ST6GAL2: variants seen among roughly 807,000 people sequenced by gnomAD.
ST6GAL2 encodes beta-galactoside alpha-2,6-sialyltransferase 2.
ST6GAL2 carries 24 observed loss-of-function variants against 37.5 expected under a neutral mutation model. The observed-to-expected ratio is 0.64, with a 90% CI of 0.46 to 0.90. ST6GAL2 has a LOEUF of 0.90. Ranked by LOEUF, ST6GAL2 falls within the 40% of genes least tolerant of loss-of-function variation. ST6GAL2 has a pLI of 0.00. For synonymous variants in ST6GAL2, 306 were observed against 295.1 expected, an observed-to-expected ratio of 1.04 and a Z score of -0.38; for missense variants, 715 against 712.7, an observed-to-expected ratio of 1.00 and a Z score of -0.04.
chr2:106,842,692 AC>A (rs1676941189), intron 2 of ST6GAL2, among the ~76,000 whole-genome samples: 1 of 152,142 alleles, frequency 6.6e-6, no homozygotes, highest in Non-Finnish European at 1.5e-5. Flanking sequence ...TCTATGGGAT[AC>A]GAAGTCTGAA....
intron 1 of ST6GAL2, among the ~76,000 whole-genome samples, chr2:106,877,461 C>T (rs1220175217): frequency 6.6e-6 from 1 of 152,270 alleles, no homozygotes; most frequent in Admixed American, 6.5e-5. Flanking sequence ...CGTCTGAACA[C>T]ATCAGCACCT....
chr2:106,837,681 C>T (rs1472543535), intron 2 of ST6GAL2, among the ~76,000 whole-genome samples: 1 of 152,186 alleles, frequency 6.6e-6, no homozygotes, highest in Non-Finnish European at 1.5e-5. Flanking sequence ...ACGCTACCCA[C>T]CCCTCAGACA....
At chr2:106,853,359 CA>C (rs1441035930) in intron 1 of ST6GAL2, among the ~76,000 whole-genome samples, 1 of 152,226 alleles carries the variant, frequency 6.6e-6, no homozygotes, top group Non-Finnish European at 1.5e-5. Flanking sequence ...AAAGAGACTA[CA>C]GGTGTTAGGC....
chr2:106,850,504 CA>C, intron 1 of ST6GAL2, among the ~76,000 whole-genome samples: 1 of 152,248 alleles, frequency 6.6e-6, no homozygotes, highest in Non-Finnish European at 1.5e-5. Flanking sequence ...TTTAATAATC[CA>C]AAAGCCTCCA....
chr2:106,812,401 A>G (rs1675643842), intron 5 of ST6GAL2, among the ~76,000 whole-genome samples: 1 of 152,240 alleles, frequency 6.6e-6, no homozygotes, highest in South Asian at 2.1e-4. Flanking sequence ...TGAGAGACTC[A>G]GTACTCAGTG....
At chr2:106,874,619 T>C (rs1678424140) in intron 1 of ST6GAL2, among the ~76,000 whole-genome samples, 2 of 152,080 alleles carry the variant, frequency 1.3e-5, no homozygotes, top group Non-Finnish European at 2.9e-5. Flanking sequence ...GTAAAATAAA[T>C]TCTAATATAA....
At position 106,857,633 on chromosome 2, in the gene ST6GAL2, A is replaced by G. The variant is rs755739857; in HGVS notation, c.-57-13599T>C. On this transcript the variant is annotated intron_variant, in intron 1 of 5. Coordinates refer to ENST00000409382, the MANE Select transcript of ST6GAL2 (RefSeq NM_001142351.2). ...ACAAAACAAAACAAAACCAAAAAAAACCACACACATATACACACATGTTCT... is the reference window on the plus strand; with the variant it reads ...ACAAAACAAAACAAAACCAAAAAAAGCCACACACATATACACACATGTTCT... Among the ~76,000 whole-genome samples, 237 of 152,158 alleles carry G rather than the reference A, an allele frequency of 1.6e-3. 5 individuals carry two copies. The highest frequency in any genetic ancestry group is 3.5e-4 in the Non-Finnish European group (24 of 68,030).
rs1338270769 is a variant in ST6GAL2 at position 106,879,681 on chromosome 2, TTAGACCAATTATATATTATTATA to T, written c.-58+6389_-58+6411del. 1.2e-3 allele frequency among the ~76,000 whole-genome samples: 180 copies of T among 148,656 alleles called. 2 individuals are homozygous for T. The highest frequency in any genetic ancestry group is 2.8e-3 in the African/African-American group (113 of 40,870). ...TAATGTATATAATAGAAATTATATA[TTAGACCAATTATATATTATTATA>T]TAGACCAATTATATATTATTATATA... On this transcript the variant is annotated intron_variant, in intron 1 of 5. Coordinates refer to ENST00000409382, the MANE Select transcript of ST6GAL2 (RefSeq NM_001142351.2).
Position 106,843,038 on chromosome 2 carries a change from T to G in ST6GAL2, c.940A>C (p.Ile314Leu). Residue 314 changes from isoleucine (I) to leucine (L), a missense_variant, in exon 2 of 6, where the codon ATA becomes CTA. Ile to Leu is a conservative substitution (Grantham distance 5, BLOSUM62 2). Transcript: ENST00000409382. The part of the protein sequence containing the change: ...AILNSSLGEE[I>L]DSHDAVLRFN... ...TGGTCCCCCCGCTGAGACCTACCTA[T>G]TTCCTCGCCCAAGGAAGAGTTGAGG... is the stretch of plus-strand genomic sequence containing the variant. The G allele has an allele frequency of 3.5e-6, 5 of 1,420,008 alleles. No individual in the cohort carries two copies. The highest frequency in any genetic ancestry group is 4.6e-6 in the Non-Finnish European group (5 of 1,084,324). 88.0% of individuals were successfully genotyped at this position (1,420,008 alleles called of 1,614,324 possible).
intron 1 of ST6GAL2, among the ~76,000 whole-genome samples, chr2:106,877,363 A>AAAAT (rs1678548438): frequency 6.6e-6 from 1 of 152,254 alleles, no homozygotes; most frequent in African/African-American, 2.4e-5. Context: ...AATCTGGATT[A>AAAAT]AAATATTACA....
Position 106,827,333 on chromosome 2 carries a change from A to G in ST6GAL2, c.1318+2733T>C, listed in dbSNP as rs147613890. Among the ~76,000 whole-genome samples, 53 of 152,292 alleles carry G rather than the reference A, an allele frequency of 3.5e-4. 2 individuals are homozygous for G. In the East Asian group the frequency reaches 9.6e-3, roughly 28 times the overall value. Reference sequence around the variant, plus strand: ...GGCTCTCAGCCTATTTATGATCAAGATCAAAGAAGAGGGGCAAAGACTACT... The same window carrying G: ...GGCTCTCAGCCTATTTATGATCAAGGTCAAAGAAGAGGGGCAAAGACTACT... On this transcript the variant is annotated intron_variant, in intron 5 of 5. Transcript: ENST00000409382.
At chr2:106,839,252 A>C (rs1368976541) in intron 2 of ST6GAL2, among the ~76,000 whole-genome samples, 1 of 152,030 alleles carries the variant, frequency 6.6e-6, no homozygotes, top group East Asian at 1.9e-4. Flanking sequence ...CCACCTGCAC[A>C]ACATGCTGTT....
chr2:106,812,966 A>T, intron 5 of ST6GAL2: 3 of 1,032,366 alleles, frequency 2.9e-6, no homozygotes, highest in Non-Finnish European at 3.7e-6. Context: ...TGAAAGTTTT[A>T]CTGCTTTCAA....
Position 106,802,534 on chromosome 2 carries a change from T to C in ST6GAL2, c.*4144A>G, listed in dbSNP as rs1374085339. 1 of 152,204 alleles carries C rather than the reference T, an allele frequency of 6.6e-6. No homozygotes were observed. Among genetic ancestry groups the C allele is most frequent in the Admixed American group, 6.5e-5 (1 of 15,282 alleles). 9.4% of individuals were successfully genotyped at this position (152,204 alleles called of 1,614,324 possible). ...GAACGGACAGAGAAATACCTTTCAT[T>C]TATCAAGTGTGTAAATAATGCCCAT... On this transcript the variant is annotated 3_prime_UTR_variant, in exon 6 of 6. Coordinates refer to ENST00000409382, the MANE Select transcript of ST6GAL2 (RefSeq NM_001142351.2).
At chr2:106,807,175 C>T (rs540362143) in intron 5 of ST6GAL2, among the ~76,000 whole-genome samples, 7 of 151,860 alleles carry the variant, frequency 4.6e-5, no homozygotes, top group South Asian at 4.2e-4. Context: ...TATATCTATT[C>T]GCTCATTTAA....
In ST6GAL2 at chr2:106,806,737, G is replaced by C. The variant is rs34558933; in HGVS notation, c.1531C>G (p.Leu511Val). The C allele has an allele frequency of 8.2e-3, 13,223 of 1,614,170 alleles. 69 individuals carry two copies. The highest frequency in any genetic ancestry group is 9.9e-3 in the Non-Finnish European group (11,736 of 1,180,016). The change falls in exon 6 of 6, where the codon CTT becomes GTT. Residue 511 changes from leucine to valine, a missense_variant. Leu to Val is a conservative substitution (Grantham distance 32, BLOSUM62 1). Around this residue, in one of 3 missense-constraint regions of ST6GAL2, gnomAD observed 198 missense variants for 203.6 expected, o/e 0.97. Coordinates refer to ENST00000409382, the MANE Select transcript of ST6GAL2 (RefSeq NM_001142351.2). ...GDLHRKGKVVLPGFQAVHCPA... is the reference protein window; with the variant it reads ...GDLHRKGKVVVPGFQAVHCPA... ...CAGTGCACCGCCTGGAAGCCGGGAAGAACCACCTTGCCCTTGCGATGCAAA... is the reference window on the plus strand; with the variant it reads ...CAGTGCACCGCCTGGAAGCCGGGAACAACCACCTTGCCCTTGCGATGCAAA...
chr2:106,810,616 G>A (rs1675568108), intron 5 of ST6GAL2, among the ~76,000 whole-genome samples: 1 of 152,176 alleles, frequency 6.6e-6, no homozygotes, highest in African/African-American at 2.4e-5. Context: ...GAATTGGTAT[G>A]GAGGCATCTT....
chr2:106,820,328 C>T (rs1675955252), intron 5 of ST6GAL2, among the ~76,000 whole-genome samples: 1 of 151,866 alleles, frequency 6.6e-6, no homozygotes, highest in Admixed American at 6.6e-5. Context: ...GGGGTAGCTA[C>T]ACTTGTATCA....
intron 2 of ST6GAL2, among the ~76,000 whole-genome samples, chr2:106,835,460 A>C (rs1211214121): frequency 6.6e-6 from 1 of 152,120 alleles, no homozygotes; most frequent in African/African-American, 2.4e-5. Context: ...CAAACCCTAA[A>C]CTTAAAAAAA....
Sources: gnomAD v4.1 joint callset for allele counts (sites outside exome capture counted in the v4.1 genomes callset) on GRCh38, gnomAD v4.1.1 for gene constraint, gnomAD v4.1.1 regional missense constraint, MANE v1.5 for transcripts, NCBI Gene and HGNC (gene_info 2026-07-23, HGNC 2026-07-21) for gene names.